GPHN: variants seen among roughly 807,000 people sequenced by gnomAD.
GPHN encodes gephyrin.
Under a neutral mutation model 95.5 loss-of-function variants are expected in GPHN, and 17 were observed. The observed-to-expected ratio is 0.18, with a 90% CI of 0.12 to 0.27. GPHN has a LOEUF of 0.27. Ranked by LOEUF, GPHN falls within the 10% of genes least tolerant of loss-of-function variation. The pLI is 1.00. For missense variants in GPHN, 660 were observed against 978.1 expected, an observed-to-expected ratio of 0.67 and a Z score of 4.34; for synonymous variants, 320 against 322.5, an observed-to-expected ratio of 0.99 and a Z score of 0.08.
chr14:67,338,582 C>G, the GPHN span: 1 of 1,583,238 alleles, frequency 6.3e-7, no homozygotes, highest in Non-Finnish European at 8.6e-7. Flanking sequence ...TAAAATGAAG[C>G]CAGTGTTAGG....
the GPHN span, among the ~76,000 whole-genome samples, chr14:67,210,206 C>G: frequency 6.6e-6 from 1 of 152,198 alleles, no homozygotes; most frequent in African/African-American, 2.4e-5. Flanking sequence ...ATGCTCACAA[C>G]TGGAAAAATG....
intron 5 of GPHN, among the ~76,000 whole-genome samples, chr14:66,902,189 A>G (rs557949094): frequency 6.6e-6 from 1 of 152,192 alleles, no homozygotes; most frequent in East Asian, 1.9e-4. Flanking sequence ...ATTGGTATAT[A>G]GAAATGCTAC....
intron 2 of GPHN, among the ~76,000 whole-genome samples, chr14:66,768,363 CTCTTT>C (rs1205767405): frequency 1.3e-5 from 2 of 151,928 alleles, no homozygotes; most frequent in Non-Finnish European, 2.9e-5. Flanking sequence ...AAGATAATCT[CTCTTT>C]TAAGTTATTG....
At chr14:66,646,495 G>T (rs2064752630) in intron 1 of GPHN, among the ~76,000 whole-genome samples, 2 of 152,116 alleles carry the variant, frequency 1.3e-5, no homozygotes, top group Admixed American at 6.6e-5. Context: ...ATACTGATAT[G>T]CCCATGTTCA....
intron 1 of GPHN, among the ~76,000 whole-genome samples, chr14:66,602,430 A>T (rs1438191040): frequency 6.6e-6 from 1 of 152,004 alleles, no homozygotes. Flanking sequence ...TCTCAAGAAT[A>T]TATTTCCTCA....
At chr14:66,773,993 GTTTTTTTT>G (rs1172451199) in intron 2 of GPHN, among the ~76,000 whole-genome samples, 1 of 89,970 alleles carries the variant, frequency 1.1e-5, no homozygotes. Flanking sequence ...TATCTAGAAA[GTTTTTTTT>G]TTTTTTTTTT....
the GPHN span, chr14:67,364,355 T>C: frequency 1.9e-5 from 3 of 159,188 alleles, no homozygotes; most frequent in African/African-American, 7.2e-5. Flanking sequence ...GCGTATACAA[T>C]GTTTGCTCAC....
the GPHN span, among the ~76,000 whole-genome samples, chr14:67,196,557 A>G: frequency 2.0e-5 from 3 of 152,172 alleles, no homozygotes; most frequent in Non-Finnish European, 4.4e-5. Context: ...GATGTCAACA[A>G]AAGGTTTTCA....
At chr14:66,512,032 G>T (rs2058059146) in intron 1 of GPHN, among the ~76,000 whole-genome samples, 1 of 151,898 alleles carries the variant, frequency 6.6e-6, no homozygotes, top group Non-Finnish European at 1.5e-5. Context: ...ATATTTCTGT[G>T]TCTAATTAGT....
chr14:66,832,720 A>C (rs990968984), intron 4 of GPHN, among the ~76,000 whole-genome samples: 6 of 152,178 alleles, frequency 3.9e-5, no homozygotes, highest in Non-Finnish European at 8.8e-5. Flanking sequence ...TAAAGTACAT[A>C]TACTCCTAAA....
chr14:67,579,279 A>G, the GPHN span: 7 of 1,576,704 alleles, frequency 4.4e-6, no homozygotes, highest in Non-Finnish European at 6.0e-6. Flanking sequence ...GCCCTTCAGC[A>G]TCCCCGTGCA....
chr14:66,584,296 A>T (rs572779632), intron 1 of GPHN, among the ~76,000 whole-genome samples: 2 of 152,108 alleles, frequency 1.3e-5, no homozygotes, highest in Admixed American at 1.3e-4. Context: ...GGCTGAGACG[A>T]TGGGGTTTTC....
At chr14:67,457,587 CAGAG>C in the GPHN span, among the ~76,000 whole-genome samples, 3 of 152,190 alleles carry the variant, frequency 2.0e-5, no homozygotes, top group Non-Finnish European at 4.4e-5. Context: ...GGCTGAGCAA[CAGAG>C]AGAGACTTTG....
chr14:67,262,075 C>G, the GPHN span, among the ~76,000 whole-genome samples: 1 of 152,094 alleles, frequency 6.6e-6, no homozygotes, highest in Non-Finnish European at 1.5e-5. Flanking sequence ...TTGCTTCTAG[C>G]TATGTGACTT....
the GPHN span, among the ~76,000 whole-genome samples, chr14:67,454,916 C>G: frequency 6.6e-6 from 1 of 152,116 alleles, no homozygotes; most frequent in Middle Eastern, 3.4e-3. Context: ...CTCTGTCACC[C>G]AGGCTAGAGT....
At chr14:67,285,398 G>C in the GPHN span, among the ~76,000 whole-genome samples, 3 of 140,226 alleles carry the variant, frequency 2.1e-5, no homozygotes, top group Non-Finnish European at 4.5e-5. Flanking sequence ...ACGGAGTCTC[G>C]CTCTGTCGCC....
At chr14:67,212,012 T>C in the GPHN span, among the ~76,000 whole-genome samples, 1 of 152,178 alleles carries the variant, frequency 6.6e-6, no homozygotes, top group South Asian at 2.1e-4. Context: ...GACCTTTTCA[T>C]GTTTCTTATA....
At chr14:67,211,702 G>GAGTA in the GPHN span, among the ~76,000 whole-genome samples, 1 of 152,160 alleles carries the variant, frequency 6.6e-6, no homozygotes, top group Admixed American at 6.5e-5. Context: ...GCTACAGTGG[G>GAGTA]AGTACCATCC....
At chr14:66,608,906 A>G (rs1385598727) in intron 1 of GPHN, among the ~76,000 whole-genome samples, 1 of 152,178 alleles carries the variant, frequency 6.6e-6, no homozygotes. Context: ...TCTTGAAGAC[A>G]GCAGACAGTT....
Sources: gnomAD v4.1 joint callset for allele counts (sites outside exome capture counted in the v4.1 genomes callset) on GRCh38, gnomAD v4.1.1 for gene constraint, MANE v1.5 for transcripts, NCBI Gene and HGNC (gene_info 2026-07-23, HGNC 2026-07-21) for gene names.